The following AFAP1 variants were observed in gnomAD, a reference collection of about 807,000 sequenced individuals.
AFAP1 encodes the protein actin filament associated protein 1.
Under a neutral mutation model 93.9 loss-of-function variants are expected in AFAP1, and 75 were observed. The observed-to-expected ratio is 0.80, with a 90% confidence interval of 0.66 to 0.97. AFAP1 has a LOEUF of 0.97. Ranked by LOEUF, AFAP1 falls within the 50% of genes least tolerant of loss-of-function variation. AFAP1 has a pLI of 0.00. For synonymous variants in AFAP1, 517 were observed against 430.7 expected (o/e 1.20, Z -2.48); for missense variants, 1,201 against 1,050.8 (o/e 1.14, Z -1.98).
chr4:7,937,013 A>G (rs1358332418), intron 1 of AFAP1, among the ~76,000 whole-genome samples: 1 of 152,226 alleles, frequency 6.6e-6, no homozygotes, highest in Non-Finnish European at 1.5e-5. Context: ...CATACTTCAC[A>G]TGACACTTAA....
intron 11 of AFAP1, among the ~76,000 whole-genome samples, chr4:7,786,814 G>A (rs1408915690): frequency 6.6e-6 from 1 of 152,236 alleles, no homozygotes; most frequent in Non-Finnish European, 1.5e-5. Flanking sequence ...AACATGGCCT[G>A]CAAAGCTGAA....
chr4:7,800,426 C>T lies in AFAP1; in HGVS notation c.1266+16G>A. On this transcript the variant is annotated intron_variant, in intron 10 of 17. Coordinates refer to ENST00000420658, the MANE Select transcript of AFAP1 (RefSeq NM_001134647.2). The stretch of plus-strand genomic sequence containing the variant: ...TGTGTCCCTCTGTGGAGTACAGCCC[C>T]TGGGAAATATCCTACCTCCAATACT... The T allele has an allele frequency of 6.2e-7, 1 of 1,613,430 alleles. No homozygotes were observed. Among genetic ancestry groups the T allele is most frequent in the East Asian group, 2.2e-5 (1 of 44,862 alleles).
intron 9 of AFAP1, among the ~76,000 whole-genome samples, chr4:7,802,248 A>G (rs1203678905): frequency 6.8e-6 from 1 of 147,298 alleles, no homozygotes; most frequent in Admixed American, 6.8e-5. Context: ...GTGTGGGCTG[A>G]TGTTGTTAGG....
chr4:7,812,013 G>A lies in AFAP1; in HGVS notation c.905-2250C>T, dbSNP rs1110362. On this transcript the variant is annotated intron_variant, in intron 8 of 17. Transcript: ENST00000420658. ...AAATAAAGCGCCGAGACTGGCTTTC[G>A]ATCCCTAAGTCTGAAGGCACAGCCC... Among the ~76,000 whole-genome samples the A allele has an allele frequency of 4.0e-3, 581 of 145,086 alleles. 4 individuals carry two copies. Among genetic ancestry groups the A allele is most frequent in the African/African-American group, 0.014 (533 of 38,904 alleles).
At chr4:7,763,929 A>G in intron 17 of AFAP1, 138 bp from the exon 18 acceptor site, 1 of 783,946 alleles carries the variant, frequency 1.3e-6, no homozygotes, top group Non-Finnish European at 2.2e-6. Flanking sequence ...ATGACCAATG[A>G]CCCGGCAATT....
At chr4:7,842,875 C>T in intron 5 of AFAP1, 1 of 453,606 alleles carries the variant, frequency 2.2e-6, no homozygotes, top group Admixed American at 3.8e-5. Flanking sequence ...AACCACAGGC[C>T]CTGCCCGGGA....
At chr4:7,916,548 C>T (rs1720093546) in intron 1 of AFAP1, among the ~76,000 whole-genome samples, 1 of 152,168 alleles carries the variant, frequency 6.6e-6, no homozygotes, top group South Asian at 2.1e-4. Flanking sequence ...ATCAAGTCCA[C>T]TTACTATGAT....
At chr4:7,903,209 A>G (rs1719214307) in intron 1 of AFAP1, among the ~76,000 whole-genome samples, 1 of 151,832 alleles carries the variant, frequency 6.6e-6, no homozygotes, top group Non-Finnish European at 1.5e-5. Flanking sequence ...AATATTGACT[A>G]ACTATCTAGG....
chr4:7,809,697 A>G lies in AFAP1; in HGVS notation c.971T>C (p.Ile324Thr), dbSNP rs1560172673. The G allele has an allele frequency of 6.2e-7, 1 of 1,613,594 alleles. No individual in the cohort carries two copies. Among genetic ancestry groups the G allele is most frequent in the Admixed American group, 1.7e-5 (1 of 59,954 alleles). ...CTTTCCCAGACTGATGATCTTGGTGATTTTTTTCCCAGTGACTTTCGACAC... is the reference window on the plus strand; with the variant it reads ...CTTTCCCAGACTGATGATCTTGGTGGTTTTTTTCCCAGTGACTTTCGACAC... ...GTVSKVTGKK[I>T]TKIISLGKKK... Residue 324 changes from isoleucine to threonine, a missense_variant, in exon 9 of 18, where the codon ATC (isoleucine) becomes ACC (threonine). Physicochemically the swap from Ile to Thr is moderately conservative, Grantham distance 89 (BLOSUM62 -1). Coordinates refer to ENST00000420658, the MANE Select transcript of AFAP1 (RefSeq NM_001134647.2).
At chr4:7,832,873 A>G (rs1711800981) in intron 6 of AFAP1, among the ~76,000 whole-genome samples, 1 of 152,194 alleles carries the variant, frequency 6.6e-6, no homozygotes, top group Admixed American at 6.5e-5. Context: ...ACTGACCTTC[A>G]ACAAAGCAAA....
Position 7,774,832 on chromosome 4 carries a change from C to A in AFAP1, c.1969G>T (p.Glu657Ter). 1 of 1,614,224 alleles carries A rather than the reference C, an allele frequency of 6.2e-7. No individual in the cohort carries two copies. Among genetic ancestry groups the A allele is most frequent in the Non-Finnish European group, 8.5e-7 (1 of 1,180,044 alleles). The change falls in exon 15 of 18, where the codon GAG becomes TAG. Residue 657 changes from glutamate (E) to a stop codon, truncating the protein, a stop_gained. Coordinates refer to ENST00000420658, the MANE Select transcript of AFAP1 (RefSeq NM_001134647.2). LOFTEE classifies it high-confidence loss of function. ...AGGGCCTCTTTCCTCTTCAGCAGCT[C>A]CTCCTCTTTGGTCTGTAGCCGCTTG... ...DAKRLQTKEE[E>*]LLKRKEALRN...
Position 7,809,739 on chromosome 4 carries a change from G to A in AFAP1, c.929C>T (p.Ser310Leu), listed in dbSNP as rs141660816. 532 of 1,613,466 alleles carry A rather than the reference G, an allele frequency of 3.3e-4. 1 individual carries two copies. The highest frequency in any genetic ancestry group is 2.0e-3 in the Middle Eastern group (12 of 6,056). The change falls in exon 9 of 18, where the codon TCA (serine) becomes TTA (leucine). Residue 310 changes from serine (S) to leucine (L), a missense_variant. By Grantham distance (145) the Ser-to-Leu change is moderately radical. Coordinates refer to ENST00000420658, the MANE Select transcript of AFAP1 (RefSeq NM_001134647.2). Reference protein sequence around the residue: ...EQVKRKKSSKSEAKGTVSKVT... With the variant: ...EQVKRKKSSKLEAKGTVSKVT... ...TTTCGACACAGTGCCCTTGGCCTCT[G>A]ATTTGGAACTTTTCTTCCTCTTCAC...
intron 12 of AFAP1, among the ~76,000 whole-genome samples, chr4:7,784,787 C>A (rs1349289806): frequency 6.6e-6 from 1 of 152,152 alleles, no homozygotes; most frequent in African/African-American, 2.4e-5. Context: ...TGCTCCTGAG[C>A]ACTGGGGGTC....
chr4:7,800,295 G>C (rs1366332069), intron 10 of AFAP1, 147 bp downstream of exon 10: 11 of 785,826 alleles, frequency 1.4e-5, no homozygotes. Flanking sequence ...TCATGGACTG[G>C]GCAGTGAGAG....
chr4:7,937,176 T>TA (rs1421563028), intron 1 of AFAP1, among the ~76,000 whole-genome samples: 2 of 152,206 alleles, frequency 1.3e-5, no homozygotes, highest in African/African-American at 4.8e-5. Flanking sequence ...TAAGGTTTCA[T>TA]CATAGATACT....
intron 9 of AFAP1, among the ~76,000 whole-genome samples, chr4:7,806,487 A>G (rs1719527043): frequency 6.6e-6 from 1 of 152,066 alleles, no homozygotes; most frequent in African/African-American, 2.4e-5. Flanking sequence ...GCTCTGTCCT[A>G]TGGGCTCAGC....
chr4:7,802,636 A>G (rs886803838), intron 9 of AFAP1, among the ~76,000 whole-genome samples: 1 of 118,006 alleles, frequency 8.5e-6, no homozygotes, highest in Admixed American at 1.1e-4. Context: ...CAATACATTT[A>G]TTCTTTTTTT....
At chr4:7,795,639 A>ATGG (rs773919834) in intron 10 of AFAP1, among the ~76,000 whole-genome samples, 1 of 151,948 alleles carries the variant, frequency 6.6e-6, no homozygotes, top group South Asian at 2.1e-4. Flanking sequence ...GTTAGCCAGG[A>ATGG]TGGTCTCGAT....
chr4:7,873,434 C>T (rs1305437601), intron 1 of AFAP1, among the ~76,000 whole-genome samples: 2 of 137,080 alleles, frequency 1.5e-5, no homozygotes, highest in East Asian at 5.0e-4. Flanking sequence ...CTGAAAGCTC[C>T]GCCTCCTGGG....
Sources: allele counts gnomAD v4.1 joint callset (sites outside exome capture counted in the v4.1 genomes callset), GRCh38; gene constraint gnomAD v4.1.1; transcripts MANE v1.5; gene names NCBI Gene and HGNC (gene_info 2026-07-23, HGNC 2026-07-21).